KCNIP4: variants seen among roughly 807,000 people sequenced by gnomAD.
KCNIP4 encodes Kv channel-interacting protein 4.
KCNIP4 carries 12 observed loss-of-function variants against 34.0 expected under a neutral mutation model. That is an observed-to-expected ratio of 0.35 (90% confidence interval 0.23 to 0.57). KCNIP4 has a LOEUF of 0.57. Ranked by LOEUF, KCNIP4 falls within the 20% of genes least tolerant of loss-of-function variation. The pLI is 0.83. For missense variants in KCNIP4, 238 were observed against 311.7 expected, an observed-to-expected ratio of 0.76 and a Z score of 1.78; for synonymous variants, 124 against 102.2, an observed-to-expected ratio of 1.21 and a Z score of -1.29.
chr4:21,629,375 C>T (rs975653612), intron 1 of KCNIP4, among the ~76,000 whole-genome samples: 1 of 152,134 alleles, frequency 6.6e-6, no homozygotes, highest in African/African-American at 2.4e-5. Context: ...AATTAGCTTG[C>T]CTAGTTTCAT....
chr4:20,850,450 C>T (rs184128188), intron 3 of KCNIP4, 93 bp downstream of exon 3: 2 of 1,321,376 alleles, frequency 1.5e-6, no homozygotes, highest in Admixed American at 1.9e-5. Flanking sequence ...TGATGGGGCT[C>T]TCATAGAATG....
chr4:21,001,850 C>T (rs1409633861), intron 1 of KCNIP4, among the ~76,000 whole-genome samples: 1 of 152,324 alleles, frequency 6.6e-6, no homozygotes, highest in East Asian at 1.9e-4. Context: ...CCTCTTTCTC[C>T]ACCAAATGAC....
At chr4:21,421,856 A>G (rs10025975) in intron 1 of KCNIP4, among the ~76,000 whole-genome samples, 1,549 of 152,344 alleles carry the variant, frequency 0.01, 27 homozygotes, top group African/African-American at 0.035. Context: ...CATCACCTCT[A>G]TATGAGAAGT....
chr4:21,176,745 T>A (rs774207408), intron 1 of KCNIP4, among the ~76,000 whole-genome samples: 1 of 152,148 alleles, frequency 6.6e-6, no homozygotes, highest in Admixed American at 6.6e-5. Context: ...CCTCTCGAAC[T>A]CCTGACCTTG....
chr4:21,604,828 G>C (rs1361605213), intron 1 of KCNIP4, among the ~76,000 whole-genome samples: 1 of 151,838 alleles, frequency 6.6e-6, no homozygotes, highest in African/African-American at 2.4e-5. Flanking sequence ...GATATTGAAA[G>C]ACAAACTAGA....
chr4:21,554,535 C>T (rs1738833823), intron 1 of KCNIP4, among the ~76,000 whole-genome samples: 1 of 152,088 alleles, frequency 6.6e-6, no homozygotes, highest in Non-Finnish European at 1.5e-5. Flanking sequence ...CAATTCTTTG[C>T]CAATATTAGA....
chr4:21,310,883 C>T (rs1266078688), intron 1 of KCNIP4, among the ~76,000 whole-genome samples: 3 of 152,192 alleles, frequency 2.0e-5, no homozygotes, highest in African/African-American at 7.2e-5. Flanking sequence ...CCGCCTCGAC[C>T]TCCCAAAGTG....
At chr4:21,264,340 A>T (rs145548361) in intron 1 of KCNIP4, among the ~76,000 whole-genome samples, 3 of 152,328 alleles carry the variant, frequency 2.0e-5, no homozygotes, top group Non-Finnish European at 4.4e-5. Context: ...AGATATGCCA[A>T]GTATGCACTT....
chr4:21,130,025 A>G (rs1379958134), intron 1 of KCNIP4, among the ~76,000 whole-genome samples: 2 of 151,898 alleles, frequency 1.3e-5, no homozygotes, highest in African/African-American at 2.4e-5. Context: ...TGTGATTTTC[A>G]TTTTCTCCCG....
chr4:21,587,797 T>C (rs942081350), intron 1 of KCNIP4, among the ~76,000 whole-genome samples: 1 of 151,992 alleles, frequency 6.6e-6, no homozygotes, highest in Non-Finnish European at 1.5e-5. Flanking sequence ...TACAGAAATA[T>C]TGTCAGAGTG....
chr4:20,982,245 A>G (rs1210110388), intron 1 of KCNIP4, among the ~76,000 whole-genome samples: 1 of 152,202 alleles, frequency 6.6e-6, no homozygotes, highest in Non-Finnish European at 1.5e-5. Context: ...TCTGAAACCA[A>G]GTCAGCTCCA....
chr4:21,346,890 T>C (rs1717486194), intron 1 of KCNIP4, among the ~76,000 whole-genome samples: 1 of 152,190 alleles, frequency 6.6e-6, no homozygotes. Flanking sequence ...TTTAGGTTTT[T>C]GCTACGATCA....
intron 1 of KCNIP4, among the ~76,000 whole-genome samples, chr4:21,668,321 A>T (rs1749184350): frequency 3.3e-5 from 5 of 151,998 alleles, no homozygotes. Flanking sequence ...ACAAACCTAC[A>T]CGTTCTGCAC....
At chr4:21,492,245 G>A (rs1169231636) in intron 1 of KCNIP4, among the ~76,000 whole-genome samples, 4 of 151,932 alleles carry the variant, frequency 2.6e-5, no homozygotes, top group Non-Finnish European at 5.9e-5. Context: ...TTGAGACAGA[G>A]TCTCACTCTG....
intron 1 of KCNIP4, among the ~76,000 whole-genome samples, chr4:21,721,478 A>G (rs140752058): frequency 6.6e-6 from 1 of 152,322 alleles, no homozygotes; most frequent in Admixed American, 6.5e-5. Context: ...ACCACCTTAA[A>G]TGCTACACTT....
chr4:21,007,590 T>C (rs1036730599), intron 1 of KCNIP4, among the ~76,000 whole-genome samples: 1 of 152,152 alleles, frequency 6.6e-6, no homozygotes, highest in African/African-American at 2.4e-5. Context: ...CTGGTAGCCA[T>C]CTTTTTACTT....
At chr4:21,771,908 C>A (rs530404990) in intron 1 of KCNIP4, among the ~76,000 whole-genome samples, 7 of 152,076 alleles carry the variant, frequency 4.6e-5, no homozygotes, top group Non-Finnish European at 2.9e-5. Flanking sequence ...TTTGAATACC[C>A]TTTAATTCTT....
At position 21,267,659 on chromosome 4, in the gene KCNIP4, T is replaced by G. The variant is rs553854413; in HGVS notation, c.62-384950A>C. The stretch of plus-strand genomic sequence containing the variant: ...TATATGCTGGATTACATTTATTGAT[T>G]TGCGTATATTGAACCAGCCTTGCAT... On this transcript the variant is annotated intron_variant, in intron 1 of 8. Coordinates refer to ENST00000382152, the MANE Select transcript of KCNIP4 (RefSeq NM_025221.6). 2.1e-3 allele frequency among the ~76,000 whole-genome samples: 303 copies of G among 143,998 alleles called. 9 individuals are homozygous for G. Among genetic ancestry groups the G allele is most frequent in the Non-Finnish European group, 2.7e-3 (172 of 64,836 alleles). 94.5% of individuals were successfully genotyped at this position (143,998 alleles called of 152,430 possible).
intron 3 of KCNIP4, among the ~76,000 whole-genome samples, chr4:20,771,458 T>G (rs1308872619): frequency 6.6e-6 from 1 of 152,204 alleles, no homozygotes; most frequent in East Asian, 1.9e-4. Flanking sequence ...CTTCTTGTCC[T>G]TGTATTACAC....
Sources: gnomAD v4.1 joint callset for allele counts (sites outside exome capture counted in the v4.1 genomes callset) on GRCh38, gnomAD v4.1.1 for gene constraint, MANE v1.5 for transcripts, NCBI Gene and HGNC (gene_info 2026-07-23, HGNC 2026-07-21) for gene names.